The following TMEM163 variants were observed in gnomAD, a reference collection of about 807,000 sequenced individuals.
The protein encoded by TMEM163 is transmembrane protein 163.
Under a neutral mutation model 29.3 loss-of-function variants are expected in TMEM163, and 17 were observed. That is an observed-to-expected ratio of 0.58 (90% CI 0.40 to 0.87). The LOEUF (loss-of-function observed/expected upper bound fraction) is 0.87. Ranked by LOEUF, TMEM163 falls within the 40% of genes least tolerant of loss-of-function variation. The pLI is 0.00. For synonymous variants in TMEM163, 157 were observed against 160.6 expected, an observed-to-expected ratio of 0.98 and a Z score of 0.17; for missense variants, 303 against 381.5, an observed-to-expected ratio of 0.79 and a Z score of 1.71.
At chr2:134,689,911 G>A (rs1307368996) in intron 2 of TMEM163, among the ~76,000 whole-genome samples, 3 of 146,946 alleles carry the variant, frequency 2.0e-5, no homozygotes, top group Admixed American at 7.0e-5. Context: ...TTGCTCCTTT[G>A]CGGTTTGTTT....
chr2:134,480,171 G>C (rs1465603992), intron 5 of TMEM163, among the ~76,000 whole-genome samples: 1 of 152,112 alleles, frequency 6.6e-6, no homozygotes, highest in Non-Finnish European at 1.5e-5. Flanking sequence ...TGGATAAAGG[G>C]GACTCCTCTG....
At chr2:134,531,542 C>T (rs180902266) in intron 4 of TMEM163, among the ~76,000 whole-genome samples, 40 of 152,322 alleles carry the variant, frequency 2.6e-4, no homozygotes, top group Middle Eastern at 3.4e-3. Context: ...ATTAGGGTTC[C>T]CATGACCCAT....
chr2:134,628,948 CA>C (rs925863349), intron 2 of TMEM163, among the ~76,000 whole-genome samples: 12 of 152,256 alleles, frequency 7.9e-5, no homozygotes, highest in African/African-American at 2.6e-4. Flanking sequence ...AGAAATAAAA[CA>C]AATATATGTG....
intron 5 of TMEM163, among the ~76,000 whole-genome samples, chr2:134,498,186 T>C (rs1264059403): frequency 6.6e-6 from 1 of 151,914 alleles, no homozygotes; most frequent in Non-Finnish European, 1.5e-5. Context: ...TAAGAAAAGG[T>C]AGAGAGCGCC....
rs557403596 is a variant in TMEM163 at position 134,545,549 on chromosome 2, C to T, written c.458+5021G>A. On this transcript the variant is annotated intron_variant, in intron 4 of 7. Coordinates refer to ENST00000281924, the MANE Select transcript of TMEM163 (RefSeq NM_030923.5). Reference sequence around the variant, plus strand: ...CCACCACACCTCCCTCCTGGCACTGCCCCCTCACCTCCTGGCCCCTTCCCT... The same window carrying T: ...CCACCACACCTCCCTCCTGGCACTGTCCCCTCACCTCCTGGCCCCTTCCCT... Among the ~76,000 whole-genome samples the T allele has an allele frequency of 4.3e-3, 656 of 151,916 alleles. 9 individuals are homozygous for T. Among genetic ancestry groups the T allele is most frequent in the African/African-American group, 0.015 (616 of 41,418 alleles).
chr2:134,679,538 C>T (rs774063643), intron 2 of TMEM163, among the ~76,000 whole-genome samples: 11 of 152,266 alleles, frequency 7.2e-5, no homozygotes, highest in South Asian at 4.2e-4. Context: ...TAGAAGTGAG[C>T]GACGCAGTGC....
At chr2:134,647,373 C>A (rs1683357474) in intron 2 of TMEM163, among the ~76,000 whole-genome samples, 1 of 151,934 alleles carries the variant, frequency 6.6e-6, no homozygotes, top group African/African-American at 2.4e-5. Context: ...CCCCCAGCAT[C>A]CCTCACCTCT....
At chr2:134,650,469 ACTT>A (rs200416812) in intron 2 of TMEM163, among the ~76,000 whole-genome samples, 2,151 of 150,552 alleles carry the variant, frequency 0.014, 60 homozygotes, top group African/African-American at 0.05. Context: ...AGAGAATCTG[ACTT>A]CTTCTTCTCC....
At chr2:134,564,308 G>C (rs1010780016) in intron 2 of TMEM163, among the ~76,000 whole-genome samples, 2 of 152,116 alleles carry the variant, frequency 1.3e-5, no homozygotes, top group African/African-American at 4.8e-5. Context: ...TTCAATAAAT[G>C]GTACTGGGCC....
intron 4 of TMEM163, among the ~76,000 whole-genome samples, chr2:134,532,492 G>T (rs1197017863): frequency 6.6e-6 from 1 of 152,228 alleles, no homozygotes; most frequent in African/African-American, 2.4e-5. Flanking sequence ...CTTTGCTTTT[G>T]ATAGGATATG....
chr2:134,462,913 C>T (rs770616909), intron 6 of TMEM163, among the ~76,000 whole-genome samples: 39 of 152,286 alleles, frequency 2.6e-4, no homozygotes, highest in Middle Eastern at 3.4e-3. Context: ...AGGTGTCCAG[C>T]GAATGAGGTT....
intron 5 of TMEM163, among the ~76,000 whole-genome samples, chr2:134,477,940 G>A (rs895312731): frequency 6.6e-6 from 1 of 152,192 alleles, no homozygotes; most frequent in African/African-American, 2.4e-5. Flanking sequence ...GGTGGGGCCT[G>A]GTGGGAGGTG....
chr2:134,465,524 G>A (rs113134652), intron 6 of TMEM163, among the ~76,000 whole-genome samples: 23 of 152,266 alleles, frequency 1.5e-4, no homozygotes, highest in African/African-American at 2.6e-4. Context: ...GGCCTGAAAC[G>A]TACTTTTCCT....
At chr2:134,561,562 G>C (rs1374994791) in intron 2 of TMEM163, among the ~76,000 whole-genome samples, 3 of 152,004 alleles carry the variant, frequency 2.0e-5, no homozygotes, top group African/African-American at 7.2e-5. Flanking sequence ...TGTTAGCCAG[G>C]ATGGTCTCGA....
intron 4 of TMEM163, among the ~76,000 whole-genome samples, chr2:134,540,187 C>T (rs569506676): frequency 1.3e-5 from 2 of 152,332 alleles, no homozygotes; most frequent in East Asian, 1.9e-4. Flanking sequence ...TGCCAGAGGA[C>T]GGGCTACAGC....
intron 2 of TMEM163, among the ~76,000 whole-genome samples, chr2:134,664,958 G>A (rs947756891): frequency 5.3e-5 from 8 of 152,060 alleles, no homozygotes; most frequent in Admixed American, 1.3e-4. Context: ...CTCGGTTCAC[G>A]AATTCCCCGG....
chr2:134,572,024 T>C (rs1160973473), intron 2 of TMEM163, among the ~76,000 whole-genome samples: 1 of 152,218 alleles, frequency 6.6e-6, no homozygotes, highest in African/African-American at 2.4e-5. Context: ...TGCCAAACAG[T>C]ACCCAAGGGC....
rs148919663 is a variant in TMEM163, at chr2:134,509,799, C to T, written c.459-6802G>A. ...CAGAACTAAGAGTGATAAAACACAA[C>T]CTGTGAGGACAGAACAGGAAGAAAC... On this transcript the variant is annotated intron_variant, in intron 4 of 7. Coordinates refer to ENST00000281924, the MANE Select transcript of TMEM163 (RefSeq NM_030923.5). 8.7e-3 allele frequency among the ~76,000 whole-genome samples: 1,321 copies of T among 152,294 alleles called. 48 individuals carry two copies. The highest frequency in any genetic ancestry group is 0.077 in the Admixed American group (1,177 of 15,304).
chr2:134,472,561 A>C (rs1347199264), intron 5 of TMEM163, among the ~76,000 whole-genome samples: 1 of 152,244 alleles, frequency 6.6e-6, no homozygotes. Flanking sequence ...AAAAGTACAC[A>C]TCTACCCTTT....
Sources: allele counts gnomAD v4.1 joint callset (sites outside exome capture counted in the v4.1 genomes callset), GRCh38; gene constraint gnomAD v4.1.1; transcripts MANE v1.5; gene names NCBI Gene and HGNC (gene_info 2026-07-23, HGNC 2026-07-21).